MACROD1: variants seen among roughly 807,000 people sequenced by gnomAD.
MACROD1 encodes the protein mono-ADP ribosylhydrolase 1, also known as ADP-ribose glycohydrolase MACROD1.
MACROD1 carries 31 observed loss-of-function variants against 41.4 expected under a neutral mutation model. The observed-to-expected ratio is 0.75, with a 90% CI of 0.56 to 1.01. The LOEUF (loss-of-function observed/expected upper bound fraction) is 1.01, where lower values mean the gene tolerates loss of function less well. MACROD1 is among the 50% of genes least tolerant of loss of function. The pLI, the probability that MACROD1 is intolerant of heterozygous loss-of-function variation, is 0.00. For synonymous variants in MACROD1, 252 were observed against 203.4 expected (o/e 1.24, Z -2.03); for missense variants, 473 against 460.0 (o/e 1.03, Z -0.26).
chr11:64,108,402 C>T (rs1208097250), intron 3 of MACROD1, among the ~76,000 whole-genome samples: 1 of 152,100 alleles, frequency 6.6e-6, no homozygotes, highest in Non-Finnish European at 1.5e-5. Context: ...TGGCTACTTG[C>T]CTTCACAGGA....
chr11:64,072,881 G>A (rs996974121), intron 3 of MACROD1, among the ~76,000 whole-genome samples: 3 of 152,206 alleles, frequency 2.0e-5, no homozygotes, highest in African/African-American at 7.2e-5. Context: ...ACCTACGTGT[G>A]GAGCAGGGGC....
chr11:63,998,814 C>T (rs970823232), intron 10 of MACROD1, 24 bp downstream of exon 10: 29 of 1,509,636 alleles, frequency 1.9e-5, no homozygotes, highest in African/African-American at 1.5e-4. Context: ...CCGGGGCCGC[C>T]GCACGGGGCG....
At chr11:64,004,350 G>A (rs577128453) in intron 4 of MACROD1, among the ~76,000 whole-genome samples, 1 of 152,330 alleles carries the variant, frequency 6.6e-6, no homozygotes, top group African/African-American at 2.4e-5. Flanking sequence ...CCGCCAAGGC[G>A]CTTAGGATGA....
intron 1 of MACROD1, among the ~76,000 whole-genome samples, chr11:64,161,705 G>A (rs902022157): frequency 1.3e-5 from 2 of 152,240 alleles, no homozygotes; most frequent in Non-Finnish European, 1.5e-5. Context: ...AGGCTGCGGT[G>A]GGCGGATTGC....
rs1018892393 is a variant in MACROD1, at chr11:64,122,812, G to T, written c.517+28427C>A. On this transcript the variant is annotated intron_variant, in intron 3 of 10. Transcript: ENST00000255681. The surrounding 1 kb of genome is among the most constrained non-coding windows in gnomAD (Gnocchi z 4.0). ...GATCCCTGAAGGGTTGGAGGGGCTG[G>T]TCAGGGCCTGAGCAGAGGACAGGCT... Among the ~76,000 whole-genome samples the T allele has an allele frequency of 5.1e-4, 78 of 152,288 alleles. No individual in the cohort carries two copies. Among genetic ancestry groups the T allele is most frequent in the African/African-American group, 1.7e-3 (72 of 41,556 alleles).
chr11:64,100,197 G>A (rs1944646778), intron 3 of MACROD1, among the ~76,000 whole-genome samples: 1 of 152,188 alleles, frequency 6.6e-6, no homozygotes, highest in Admixed American at 6.5e-5. Flanking sequence ...TACTGGGAAA[G>A]GACAAGGTGC....
At chr11:64,058,995 C>T (rs1416274362) in intron 3 of MACROD1, among the ~76,000 whole-genome samples, 1 of 152,180 alleles carries the variant, frequency 6.6e-6, no homozygotes. Context: ...AAAACAGGGG[C>T]TCACTGTCTA....
chr11:64,042,771 T>C (rs543546857), intron 3 of MACROD1, among the ~76,000 whole-genome samples: 2 of 152,284 alleles, frequency 1.3e-5, no homozygotes, highest in South Asian at 2.1e-4. Flanking sequence ...ACTAGGTCCC[T>C]AGTAGCTGCC....
At chr11:64,095,984 C>A (rs77972696) in intron 3 of MACROD1, among the ~76,000 whole-genome samples, 109 of 152,198 alleles carry the variant, frequency 7.2e-4, no homozygotes, top group African/African-American at 2.0e-3. Flanking sequence ...CCCCACCCCC[C>A]AGGGGCCCAT....
intron 3 of MACROD1, among the ~76,000 whole-genome samples, chr11:64,094,044 C>T (rs183943892): frequency 1.3e-5 from 2 of 152,344 alleles, no homozygotes; most frequent in Non-Finnish European, 2.9e-5. Context: ...TGCCTGTAAT[C>T]CCAGCACTTT....
At chr11:64,003,621 G>A (rs1404677350) in intron 4 of MACROD1, among the ~76,000 whole-genome samples, 1 of 152,188 alleles carries the variant, frequency 6.6e-6, no homozygotes, top group African/African-American at 2.4e-5. Flanking sequence ...GCACCTGCGT[G>A]GTGATTTACA....
At chr11:64,065,131 G>C (rs1231315445) in intron 3 of MACROD1, among the ~76,000 whole-genome samples, 1 of 152,228 alleles carries the variant, frequency 6.6e-6, no homozygotes, top group Non-Finnish European at 1.5e-5. Flanking sequence ...CGGGCTACAC[G>C]TGGGCCTGGA....
At chr11:64,125,694 A>C (rs768650271) in intron 3 of MACROD1, among the ~76,000 whole-genome samples, 1 of 152,216 alleles carries the variant, frequency 6.6e-6, no homozygotes, top group Non-Finnish European at 1.5e-5. Context: ...AGCCACTCTG[A>C]GAGATCCGGT....
chr11:64,165,509 G>T (rs1213885714), intron 1 of MACROD1, among the ~76,000 whole-genome samples, 188 bp downstream of exon 1: 1 of 152,126 alleles, frequency 6.6e-6, no homozygotes, highest in Admixed American at 6.5e-5. Context: ...GTTCTGTGGG[G>T]CTGGGAACAC....
intron 3 of MACROD1, chr11:64,118,967 C>T (rs1945048800): frequency 6.0e-6 from 1 of 167,062 alleles, no homozygotes; most frequent in Admixed American, 6.5e-5. Context: ...GGCTGAAGCC[C>T]TCTTCAGTTC....
At chr11:64,054,864 T>G (rs758706255) in intron 3 of MACROD1, among the ~76,000 whole-genome samples, 3 of 152,044 alleles carry the variant, frequency 2.0e-5, no homozygotes, top group Non-Finnish European at 4.4e-5. Context: ...AAGGGAATTC[T>G]AGCATCTCCC....
intron 3 of MACROD1, among the ~76,000 whole-genome samples, chr11:64,098,389 C>T (rs115731687): frequency 8.8e-4 from 134 of 152,354 alleles, no homozygotes; most frequent in African/African-American, 3.1e-3. Flanking sequence ...TTCCCTCAGC[C>T]TGAAATGTTC....
intron 4 of MACROD1, among the ~76,000 whole-genome samples, chr11:64,004,539 G>T (rs1942878623): frequency 6.6e-6 from 1 of 152,156 alleles, no homozygotes; most frequent in East Asian, 1.9e-4. Context: ...GGACCAGGAG[G>T]GCAGCTGTGC....
In MACROD1 at chr11:64,067,233, C is replaced by A. The variant is rs1461483401; in HGVS notation, c.518-51952G>T. 6.6e-6 allele frequency among the ~76,000 whole-genome samples: 1 copy of A among 152,106 alleles called. No individual in the cohort carries two copies. Among genetic ancestry groups the A allele is most frequent in the Admixed American group, 6.5e-5 (1 of 15,272 alleles). On this transcript the variant is annotated intron_variant, in intron 3 of 10. Transcript: ENST00000255681. This position sits in a 1 kb window ranked among gnomAD's most constrained non-coding sequence, Gnocchi z 4.6. ...ATGGGAGGGGTGGGGAGAGGCCTTGCATGGCACCCACTCCCACCTGTGCGG... is the reference window on the plus strand; with the variant it reads ...ATGGGAGGGGTGGGGAGAGGCCTTGAATGGCACCCACTCCCACCTGTGCGG...
Sources: gnomAD v4.1 joint callset for allele counts (sites outside exome capture counted in the v4.1 genomes callset) on GRCh38, gnomAD v4.1.1 for gene constraint, Gnocchi (gnomAD v3.1) non-coding constraint, MANE v1.5 for transcripts, NCBI Gene and HGNC (gene_info 2026-07-23, HGNC 2026-07-21) for gene names.